Variants in SEMA5A observed in about 807,000 individuals in gnomAD.
SEMA5A encodes semaphorin 5A.
In SEMA5A, 55 loss-of-function variants were observed where a neutral mutation model predicts 135.5. The observed-to-expected ratio is 0.41, with a 90% confidence interval of 0.33 to 0.51. The LOEUF is 0.51. Among genes scored for constraint, SEMA5A ranks in the 20% least tolerant of loss-of-function variants. The pLI is 0.37. For synonymous variants in SEMA5A, 580 were observed against 546.5 expected (o/e 1.06, Z -0.85); for missense variants, 1,290 against 1,419.9 (o/e 0.91, Z 1.47).
chr5:9,075,140 C>T (rs1435179465), intron 16 of SEMA5A, among the ~76,000 whole-genome samples: 3 of 152,152 alleles, frequency 2.0e-5, no homozygotes, highest in Non-Finnish European at 2.9e-5. Flanking sequence ...TTGAGTATTT[C>T]TAAGTAGAAA....
chr5:9,434,299 T>C (rs1160822713), intron 2 of SEMA5A, among the ~76,000 whole-genome samples: 2 of 152,190 alleles, frequency 1.3e-5, no homozygotes, highest in African/African-American at 2.4e-5. Flanking sequence ...AAACTGCTTA[T>C]CAAAAATATT....
intron 2 of SEMA5A, among the ~76,000 whole-genome samples, chr5:9,384,026 G>T (rs1336407198): frequency 1.3e-5 from 2 of 152,108 alleles, no homozygotes; most frequent in South Asian, 4.1e-4. Flanking sequence ...CATTTAATGA[G>T]AACAGGTAAT....
chr5:9,156,567 G>A (rs537171082), intron 11 of SEMA5A, among the ~76,000 whole-genome samples: 1 of 152,316 alleles, frequency 6.6e-6, no homozygotes, highest in Non-Finnish European at 1.5e-5. Context: ...GGGGAAGCAA[G>A]GCTCATGGGA....
chr5:9,091,085 A>C (rs1023020505), intron 16 of SEMA5A, among the ~76,000 whole-genome samples: 10 of 152,166 alleles, frequency 6.6e-5, no homozygotes, highest in African/African-American at 2.2e-4. Context: ...ACAAGCTGAG[A>C]AGCTCACAGT....
chr5:9,105,712 T>C (rs1739875745), intron 16 of SEMA5A, among the ~76,000 whole-genome samples: 1 of 152,288 alleles, frequency 6.6e-6, no homozygotes, highest in East Asian at 1.9e-4. Context: ...GACTCAGAAA[T>C]GTCACCTCTT....
At chr5:9,408,584 G>A (rs1371864090) in intron 2 of SEMA5A, among the ~76,000 whole-genome samples, 1 of 152,218 alleles carries the variant, frequency 6.6e-6, no homozygotes, top group Admixed American at 6.5e-5. Context: ...ATCGTGCTTA[G>A]TAGGTGCAGG....
intron 5 of SEMA5A, among the ~76,000 whole-genome samples, chr5:9,313,857 G>A (rs576374386): frequency 1.8e-4 from 27 of 152,190 alleles, no homozygotes; most frequent in Non-Finnish European, 3.1e-4. Flanking sequence ...ATAGCCTACA[G>A]TTTGGAAAAC....
chr5:9,321,918 T>G (rs1055710375), intron 4 of SEMA5A, among the ~76,000 whole-genome samples: 1 of 152,130 alleles, frequency 6.6e-6, no homozygotes, highest in Non-Finnish European at 1.5e-5. Context: ...GAAAAGAAGC[T>G]TTCATACACA....
Position 9,082,947 on chromosome 5 carries a change from C to T in SEMA5A, c.2074-16301G>A, listed in dbSNP as rs73043682. Among the ~76,000 whole-genome samples, 1,356 of 152,254 alleles carry T rather than the reference C, an allele frequency of 8.9e-3. 36 individuals are homozygous for T. Among genetic ancestry groups the T allele is most frequent in the African/African-American group, 0.031 (1,281 of 41,534 alleles). ...GGGGTATCATTTTACTCCATTTGTG[C>T]TCATCCAAAGGAAAATTATCTTCTA... is the stretch of plus-strand genomic sequence containing the variant. On this transcript the variant is annotated intron_variant, in intron 16 of 22. Transcript: ENST00000382496.
rs1223944424 is a variant in SEMA5A at position 9,207,709 on chromosome 5, C to T, written c.647-5469G>A. ...TATGTAGATAAAACTGCTGTAGAAG[C>T]TTCCAGGGCAAATCTATTTTTATCT... On this transcript the variant is annotated intron_variant, in intron 8 of 22. Transcript: ENST00000382496. Among the ~76,000 whole-genome samples, 3 of 152,186 alleles carry T rather than the reference C, an allele frequency of 2.0e-5. No individual in the cohort carries two copies. In the East Asian group the frequency reaches 5.8e-4, roughly 29 times the overall value.
At chr5:9,538,415 G>A (rs1255747986) in intron 1 of SEMA5A, among the ~76,000 whole-genome samples, 1 of 152,138 alleles carries the variant, frequency 6.6e-6, no homozygotes, top group Admixed American at 6.5e-5. Context: ...CTAAGAAAGT[G>A]TACAAGGACA....
chr5:9,378,669 ATAAAAG>A (rs2126473125), intron 3 of SEMA5A, among the ~76,000 whole-genome samples: 1 of 152,380 alleles, frequency 6.6e-6, no homozygotes, highest in African/African-American at 2.4e-5. Context: ...AGGGTGTGAA[ATAAAAG>A]TAAAATATTA....
chr5:9,385,036 C>T (rs1156325384), intron 2 of SEMA5A, among the ~76,000 whole-genome samples: 1 of 152,088 alleles, frequency 6.6e-6, no homozygotes, highest in Non-Finnish European at 1.5e-5. Flanking sequence ...TAATATGAAA[C>T]AAATGAATTT....
At chr5:9,389,473 C>T (rs1756051279) in intron 2 of SEMA5A, among the ~76,000 whole-genome samples, 1 of 152,184 alleles carries the variant, frequency 6.6e-6, no homozygotes, top group South Asian at 2.1e-4. Context: ...TCAGCTGTCT[C>T]CCTTGCGTCT....
chr5:9,037,161 C>T lies in SEMA5A; in HGVS notation c.*5736G>A, dbSNP rs200112336. On this transcript the variant is annotated 3_prime_UTR_variant, in exon 23 of 23. Coordinates refer to ENST00000382496, the MANE Select transcript of SEMA5A (RefSeq NM_003966.3). ...GAAACACAAAAGAGTGATTTTCTAC[C>T]TCCTCTTTCCTCTTTCCAGATCTGA... 2 of 8,546 alleles carry T rather than the reference C, an allele frequency of 2.3e-4. No homozygotes were observed. The highest frequency in any genetic ancestry group is 5.4e-4 in the Non-Finnish European group (2 of 3,702). The allele number at this position is 8,546 out of a possible 1,614,324, so 0.5% of individuals were successfully genotyped here. A position where few individuals can be genotyped will look rare whatever the true frequency, so the allele number is the denominator to read the frequency against.
At position 9,308,289 on chromosome 5, in the gene SEMA5A, G is replaced by C. The variant is rs148998037; in HGVS notation, c.270+10083C>G. ...CTGGAGAATTGCTCCTGGTTAATGA[G>C]AGCCACCTCACCAGGAAGTTATGTC... On this transcript the variant is annotated intron_variant, in intron 5 of 22. Transcript: ENST00000382496. Among the ~76,000 whole-genome samples the C allele has an allele frequency of 3.8e-3, 575 of 152,268 alleles. 4 individuals are homozygous for C. The highest frequency in any genetic ancestry group is 0.013 in the African/African-American group (546 of 41,564).
At chr5:9,076,231 T>A (rs1009633223) in intron 16 of SEMA5A, among the ~76,000 whole-genome samples, 1 of 150,186 alleles carries the variant, frequency 6.7e-6, no homozygotes, top group Non-Finnish European at 1.5e-5. Context: ...AAAGAAATTA[T>A]CTTGAAATCA....
intron 13 of SEMA5A, among the ~76,000 whole-genome samples, chr5:9,128,369 A>G (rs1741228889): frequency 6.6e-6 from 1 of 152,220 alleles, no homozygotes; most frequent in African/African-American, 2.4e-5. Context: ...AGAGGTTTCT[A>G]GAAACTATTT....
chr5:9,137,353 T>C (rs1376768291), intron 12 of SEMA5A, among the ~76,000 whole-genome samples: 1 of 152,336 alleles, frequency 6.6e-6, no homozygotes, highest in African/African-American at 2.4e-5. Context: ...GTATTTTAGA[T>C]GGCGGATATT....
Sources: gnomAD v4.1 joint callset for allele counts (sites outside exome capture counted in the v4.1 genomes callset) on GRCh38, gnomAD v4.1.1 for gene constraint, MANE v1.5 for transcripts, NCBI Gene and HGNC (gene_info 2026-07-23, HGNC 2026-07-21) for gene names.